Variants in DYNC1H1 observed in about 807,000 individuals in gnomAD.
The protein encoded by DYNC1H1 is dynein cytoplasmic 1 heavy chain 1.
A neutral mutation model predicts 527.1 loss-of-function variants in DYNC1H1; 51 were observed. The ratio of observed to expected loss-of-function variants is 0.10; its 90% CI spans 0.08 to 0.12. The LOEUF (loss-of-function observed/expected upper bound fraction) is 0.12. Among genes scored for constraint, DYNC1H1 ranks in the 10% least tolerant of loss-of-function variants. The probability of loss-of-function intolerance (pLI) is 1.00; values close to 1 mark genes in which losing one functional copy is unlikely to be tolerated. For missense variants in DYNC1H1, 2,771 were observed against 5,971.8 expected, an observed-to-expected ratio of 0.46 and a Z score of 17.66; for synonymous variants, 2,189 against 2,278.8, an observed-to-expected ratio of 0.96 and a Z score of 1.12.
rs2048683951 is a variant in DYNC1H1, at chr14:102,043,985, A to G, written c.12624A>G (p.Gly4208=). 1 of 1,614,210 alleles carries G rather than the reference A, an allele frequency of 6.2e-7. No homozygotes were observed. Residue 4208 remains glycine (G), a synonymous_variant, in exon 70 of 78, where the codon GGA becomes GGG. Coordinates refer to ENST00000360184, the MANE Select transcript of DYNC1H1 (RefSeq NM_001376.5). Reference sequence around the variant, plus strand: ...GGTGGTCAAAGAAGTATGAATTTGGAGAGTCTGACCTGCGGTCAGCTTGCG... The same window carrying G: ...GGTGGTCAAAGAAGTATGAATTTGGGGAGTCTGACCTGCGGTCAGCTTGCG... ...PLGWSKKYEF[G]ESDLRSACDT...
Position 102,041,524 on chromosome 14 carries a change from C to T in DYNC1H1, c.11942-50C>T. On this transcript the variant is annotated intron_variant, in intron 64 of 77. Transcript: ENST00000360184. This position sits in a 1 kb window ranked among gnomAD's most constrained non-coding sequence, Gnocchi z 4.5. ...GAACAGTCCAGGCAGGGGAGGGCGT[C>T]TCTGAGTCCATGCTTCCACCCAGCA... is the stretch of plus-strand genomic sequence containing the variant. 1 of 1,612,646 alleles carries T rather than the reference C, an allele frequency of 6.2e-7. No individual in the cohort carries two copies.
At chr14:102,046,503 C>T (rs983341548) in intron 72 of DYNC1H1, among the ~76,000 whole-genome samples, 5 of 133,682 alleles carry the variant, frequency 3.7e-5, no homozygotes, top group East Asian at 3.9e-4. Context: ...GCGAGCTGGG[C>T]GGGTCTGGAG....
At chr14:101,980,858 C>T (rs1033479634) in intron 5 of DYNC1H1, among the ~76,000 whole-genome samples, 2 of 152,284 alleles carry the variant, frequency 1.3e-5, no homozygotes, top group Non-Finnish European at 1.5e-5. Context: ...GTCGGCTGTA[C>T]AATTGGCACA....
At chr14:101,969,103 C>T (rs985647449) in intron 1 of DYNC1H1, among the ~76,000 whole-genome samples, 23 of 152,102 alleles carry the variant, frequency 1.5e-4, no homozygotes, top group African/African-American at 4.8e-4. Context: ...CTGAAAGCTC[C>T]GCCTCCCGGG....
chr14:102,029,559 G>A lies in DYNC1H1; in HGVS notation c.9489G>A (p.Lys3163=). ...TLHQANARLA[K]RGGRTMAITP... ...GAAAGGCGAATGCTCGGCTAGCAAA[G>A]CGAGGCGGCAGAACGATGGCCATCA... The change falls in exon 49 of 78, where the codon AAG becomes AAA. Residue 3163 remains lysine, a synonymous_variant. Coordinates refer to ENST00000360184, the MANE Select transcript of DYNC1H1 (RefSeq NM_001376.5). The surrounding 1 kb of genome is among the most constrained non-coding windows in gnomAD (Gnocchi z 5.3). 6.2e-7 allele frequency: 1 copy of A among 1,614,224 alleles called. No individual in the cohort carries two copies. Among genetic ancestry groups the A allele is most frequent in the Non-Finnish European group, 8.5e-7 (1 of 1,180,046 alleles).
intron 12 of DYNC1H1, 49 bp downstream of exon 12, chr14:101,994,373 C>T (rs201746092): frequency 1.2e-6 from 2 of 1,612,416 alleles, no homozygotes; most frequent in Non-Finnish European, 1.7e-6. Context: ...CTATTCTAGA[C>T]ACTTAAGAGT....
chr14:102,028,330 G>A (rs1334434813), intron 48 of DYNC1H1, 189 bp downstream of exon 48: 1 of 615,318 alleles, frequency 1.6e-6, no homozygotes, highest in African/African-American at 1.8e-5. Flanking sequence ...TGGGCAACAT[G>A]GCGAGACCCC....
rs1275019397 is a variant in DYNC1H1, at chr14:102,020,364, C to A, written c.8507+308C>A. On this transcript the variant is annotated intron_variant, in intron 42 of 77. Transcript: ENST00000360184. This position sits in a 1 kb window ranked among gnomAD's most constrained non-coding sequence, Gnocchi z 4.3. ...TTTTTTAAAGATACATCATAGAAGT[C>A]AAAAAACGGGGCACTTTAATAAACC... Among the ~76,000 whole-genome samples the A allele has an allele frequency of 2.0e-5, 3 of 151,700 alleles. No homozygotes were observed. Among genetic ancestry groups the A allele is most frequent in the Non-Finnish European group, 4.4e-5 (3 of 67,912 alleles).
Position 102,005,821 on chromosome 14 carries a change from C to T in DYNC1H1, c.5434-67C>T. ...ACCTCAATTTCAGTTTAACAGTCCA[C>T]AAACCCGGAGAATGCACTGTATTGC... On this transcript the variant is annotated intron_variant, in intron 26 of 77. Transcript: ENST00000360184. This position sits in a 1 kb window ranked among gnomAD's most constrained non-coding sequence, Gnocchi z 4.0. 6.2e-7 allele frequency: 1 copy of T among 1,600,682 alleles called. No individual in the cohort carries two copies. The highest frequency in any genetic ancestry group is 8.6e-7 in the Non-Finnish European group (1 of 1,169,016).
chr14:101,970,473 GTTTTTT>G (rs958653217), intron 1 of DYNC1H1, among the ~76,000 whole-genome samples: 1 of 81,436 alleles, frequency 1.2e-5, no homozygotes, highest in Non-Finnish European at 2.5e-5. Context: ...GTTTGTTGTT[GTTTTTT>G]TTTTTTTTTT....
At position 102,002,221 on chromosome 14, in the gene DYNC1H1, C is replaced by T. The variant is rs1283989423; in HGVS notation, c.4543-316C>T. On this transcript the variant is annotated intron_variant, in intron 21 of 77. Transcript: ENST00000360184. The surrounding 1 kb of genome is among the most constrained non-coding windows in gnomAD (Gnocchi z 4.4). ...TGCCTCCCGGGTTGAAGTGATTCTC[C>T]CGCCTCAGCCTCCCAAGTAGCTGGG... is the stretch of plus-strand genomic sequence containing the variant. Among the ~76,000 whole-genome samples, 1 of 152,048 alleles carries T rather than the reference C, an allele frequency of 6.6e-6. No individual in the cohort carries two copies. The highest frequency in any genetic ancestry group is 1.5e-5 in the Non-Finnish European group (1 of 68,002).
At position 102,001,055 on chromosome 14, in the gene DYNC1H1, T is replaced by C. The variant is rs112261870; in HGVS notation, c.4176T>C (p.Gly1392=). Reference sequence around the variant, plus strand: ...AGTTTGTTCAGAGGCTTCTGAAAGGTTACATGAAGGTAGGTGGCCAGTATC... The same window carrying C: ...AGTTTGTTCAGAGGCTTCTGAAAGGCTACATGAAGGTAGGTGGCCAGTATC... ...SYEFVQRLLK[G]YMKINMLVIE... Residue 1392 remains glycine, a synonymous_variant, in exon 19 of 78, where the codon GGT becomes GGC. Transcript: ENST00000360184. The surrounding 1 kb of genome is among the most constrained non-coding windows in gnomAD (Gnocchi z 5.0). The C allele has an allele frequency of 4.1e-5, 66 of 1,614,128 alleles. No homozygotes were observed. In the African/African-American group the frequency reaches 5.3e-4, roughly 13 times the overall value.
At chr14:102,024,215 C>T (rs550991792) in intron 43 of DYNC1H1, among the ~76,000 whole-genome samples, 147 of 152,370 alleles carry the variant, frequency 9.6e-4, no homozygotes, top group Non-Finnish European at 1.7e-3. Context: ...GAAAATGTTT[C>T]ATATGCTAAA....
intron 51 of DYNC1H1, among the ~76,000 whole-genome samples, chr14:102,031,539 T>A (rs915776890): frequency 6.6e-6 from 1 of 152,204 alleles, no homozygotes; most frequent in Non-Finnish European, 1.5e-5. Context: ...AGCCATTGTT[T>A]TAGAACTGTT....
chr14:101,971,609 C>T (rs978246837), intron 1 of DYNC1H1, among the ~76,000 whole-genome samples: 2 of 152,022 alleles, frequency 1.3e-5, no homozygotes, highest in Admixed American at 6.6e-5. Flanking sequence ...AACTGTATCC[C>T]AGCTACTCAG....
Position 102,017,832 on chromosome 14 carries a change from C to T in DYNC1H1, c.8177+328C>T, listed in dbSNP as rs17541200. The T allele has an allele frequency of 6.3e-3, 2,349 of 374,390 alleles. 44 individuals are homozygous for T. The highest frequency in any genetic ancestry group is 0.035 in the East Asian group (517 of 14,686). The allele number at this position is 374,390 out of a possible 1,614,324, so 23.2% of individuals were successfully genotyped here. On this transcript the variant is annotated intron_variant, in intron 40 of 77. Coordinates refer to ENST00000360184, the MANE Select transcript of DYNC1H1 (RefSeq NM_001376.5). The surrounding 1 kb of genome is among the most constrained non-coding windows in gnomAD (Gnocchi z 4.6). ...ATACAAAAACAAAATTAAGGCCGGG[C>T]GTGGTGGCTTACGCCTGTAATCCCA...
intron 43 of DYNC1H1, among the ~76,000 whole-genome samples, chr14:102,024,677 CT>C (rs10707594): frequency 0.93 from 125,491 of 135,454 alleles, 58,215 homozygotes; most frequent in East Asian, 1. Flanking sequence ...TGTGGCTTAT[CT>C]TTTTTTTTTA....
rs763724110 is a variant in DYNC1H1, at chr14:102,048,583, A to T, written c.13286A>T (p.Gln4429Leu). The stretch of plus-strand genomic sequence containing the variant: ...GCAAAGCTGCTTCAGGACGTTCGCC[A>T]GGACCTTGCAGATGTCGTCCAGGTG... ...MGAKLLQDVRQDLADVVQVCE... is the reference protein window; with the variant it reads ...MGAKLLQDVRLDLADVVQVCE... Residue 4429 changes from glutamine (Q) to leucine (L), a missense_variant, in exon 74 of 78, where the codon CAG (glutamine) becomes CTG (leucine). Gln to Leu is a moderately radical substitution (Grantham distance 113). Transcript: ENST00000360184. The T allele has an allele frequency of 1.9e-6, 3 of 1,614,264 alleles. No individual in the cohort carries two copies. Among genetic ancestry groups the T allele is most frequent in the Admixed American group, 1.7e-5 (1 of 60,036 alleles).
chr14:102,048,066 T>C, intron 73 of DYNC1H1, 38 bp downstream of exon 73: 2 of 1,584,486 alleles, frequency 1.3e-6, no homozygotes, highest in Non-Finnish European at 1.7e-6. Context: ...GGTCTCAAGG[T>C]CCCAGGTGCT....
Sources: allele counts gnomAD v4.1 joint callset (sites outside exome capture counted in the v4.1 genomes callset), GRCh38; gene constraint gnomAD v4.1.1; non-coding constraint Gnocchi (gnomAD v3.1); transcripts MANE v1.5; gene names NCBI Gene and HGNC (gene_info 2026-07-23, HGNC 2026-07-21).